Variants in PLCG1 observed in about 807,000 individuals in gnomAD.
PLCG1 encodes 1-phosphatidylinositol 4,5-bisphosphate phosphodiesterase gamma-1.
Under a neutral mutation model 177.8 loss-of-function variants are expected in PLCG1, and 71 were observed. The ratio of observed to expected loss-of-function variants is 0.40; its 90% CI spans 0.33 to 0.49. PLCG1 has a LOEUF of 0.49. Ranked by LOEUF, PLCG1 falls within the 20% of genes least tolerant of loss-of-function variation. The pLI, the probability that PLCG1 is intolerant of heterozygous loss-of-function variation, is 0.72. For missense variants in PLCG1, 1,281 were observed against 1,709.0 expected (o/e 0.75, Z 4.42); for synonymous variants, 658 against 647.9 (o/e 1.02, Z -0.24).
In PLCG1 at chr20:41,177,061, A is replaced by G. The variant is rs111411760; in HGVS notation, c.*2552A>G. On this transcript the variant is annotated 3_prime_UTR_variant, in exon 32 of 32. Transcript: ENST00000685551. Reference sequence around the variant, plus strand: ...TTAAATGAGTAACAAGGGTTGAAAAACCCTGATTTTGGCAGCACAAACCAA... The same window carrying G: ...TTAAATGAGTAACAAGGGTTGAAAAGCCCTGATTTTGGCAGCACAAACCAA... The G allele has an allele frequency of 5.9e-5, 9 of 152,224 alleles. No individual in the cohort carries two copies. The highest frequency in any genetic ancestry group is 1.9e-4 in the African/African-American group (8 of 41,522). 9.4% of individuals were successfully genotyped at this position (152,224 alleles called of 1,614,324 possible).
In PLCG1 at chr20:41,167,350, A is replaced by G. The variant is rs1489717467; in HGVS notation, c.2301+491A>G. Among the ~76,000 whole-genome samples the G allele has an allele frequency of 2.0e-5, 3 of 152,202 alleles. No homozygotes were observed. The highest frequency in any genetic ancestry group is 4.4e-5 in the Non-Finnish European group (3 of 68,024). On this transcript the variant is annotated intron_variant, in intron 19 of 31. Coordinates refer to ENST00000685551, the MANE Select transcript of PLCG1 (RefSeq NM_002660.3). This position sits in a 1 kb window ranked among gnomAD's most constrained non-coding sequence, Gnocchi z 4.4. ...GGCCCTGGACAGAAGGAAGGGGTCT[A>G]GGACCAGAAGATCAGTTGAGAGACT... is the stretch of plus-strand genomic sequence containing the variant.
At chr20:41,145,279 A>T (rs1481905280) in intron 1 of PLCG1, among the ~76,000 whole-genome samples, 4 of 152,198 alleles carry the variant, frequency 2.6e-5, no homozygotes, top group Non-Finnish European at 5.9e-5. Flanking sequence ...ACCCTGGGCA[A>T]ACTAGGCTGG....
Position 41,174,268 on chromosome 20 carries a change from T to C in PLCG1, c.3790T>C (p.Ser1264Pro). 1 of 1,614,218 alleles carries C rather than the reference T, an allele frequency of 6.2e-7. No individual in the cohort carries two copies. The highest frequency in any genetic ancestry group is 8.5e-7 in the Non-Finnish European group (1 of 1,180,026). The change falls in exon 31 of 32, where the codon TCC becomes CCC. Residue 1264 changes from serine to proline, a missense_variant. By Grantham distance (74) the Ser-to-Pro change is moderately conservative. Around this residue, in one of 4 missense-constraint regions of PLCG1, gnomAD observed 153 missense variants for 153.2 expected, o/e 1.00. Coordinates refer to ENST00000685551, the MANE Select transcript of PLCG1 (RefSeq NM_002660.3). This position sits in a 1 kb window ranked among gnomAD's most constrained non-coding sequence, Gnocchi z 5.8. ...GCAGCCGTTTGAGGACTTCCGCATCTCCCAGGAGCATCTCGCAGACCATTT... is the reference window on the plus strand; with the variant it reads ...GCAGCCGTTTGAGGACTTCCGCATCCCCCAGGAGCATCTCGCAGACCATTT... ...YQQPFEDFRI[S>P]QEHLADHFDS...
At chr20:41,138,382 T>TG (rs1415500817) in intron 1 of PLCG1, among the ~76,000 whole-genome samples, 1 of 152,132 alleles carries the variant, frequency 6.6e-6, no homozygotes, top group Admixed American at 6.5e-5. Context: ...GGGCTGGTCT[T>TG]GGAGCAGAGC....
chr20:41,158,329 C>G (rs1355229469), intron 1 of PLCG1, among the ~76,000 whole-genome samples: 1 of 152,122 alleles, frequency 6.6e-6, no homozygotes, highest in Non-Finnish European at 1.5e-5. Flanking sequence ...AGTTACCAGG[C>G]CAGTCTGGGT....
Position 41,163,866 on chromosome 20 carries a change from C to T in PLCG1, c.1010+33C>T. 6.2e-7 allele frequency: 1 copy of T among 1,608,784 alleles called. No individual in the cohort carries two copies. The highest frequency in any genetic ancestry group is 1.3e-5 in the African/African-American group (1 of 74,960). On this transcript the variant is annotated intron_variant, in intron 10 of 31. Coordinates refer to ENST00000685551, the MANE Select transcript of PLCG1 (RefSeq NM_002660.3). The surrounding 1 kb of genome is among the most constrained non-coding windows in gnomAD (Gnocchi z 5.2). ...TGGCTCCTTCAGGCCCACCCAGCTTCTTCCCCAGGAGGGCCCATCTGACCA... is the reference window on the plus strand; with the variant it reads ...TGGCTCCTTCAGGCCCACCCAGCTTTTTCCCCAGGAGGGCCCATCTGACCA...
intron 1 of PLCG1, among the ~76,000 whole-genome samples, chr20:41,154,363 C>T (rs2035254617): frequency 1.3e-5 from 2 of 152,242 alleles, no homozygotes; most frequent in Non-Finnish European, 2.9e-5. Flanking sequence ...GGCTCCCTCT[C>T]CCCCTTCTAG....
rs1234064701 is a variant in PLCG1, at chr20:41,163,324, G to C, written c.789+49G>C. 6.3e-7 allele frequency: 1 copy of C among 1,599,256 alleles called. No individual in the cohort carries two copies. Among genetic ancestry groups the C allele is most frequent in the Admixed American group, 1.7e-5 (1 of 59,288 alleles). On this transcript the variant is annotated intron_variant, in intron 8 of 31. Coordinates refer to ENST00000685551, the MANE Select transcript of PLCG1 (RefSeq NM_002660.3). The surrounding 1 kb of genome is among the most constrained non-coding windows in gnomAD (Gnocchi z 5.2). The stretch of plus-strand genomic sequence containing the variant: ...CAGGCTGGTAGGTTGTGGGGGGCTG[G>C]GCTCATCCCTGACTGGAGGCTTCTC...
At position 41,160,005 on chromosome 20, in the gene PLCG1, G is replaced by A; in HGVS notation, c.464+42G>A. The A allele has an allele frequency of 6.3e-7, 1 of 1,598,936 alleles. No homozygotes were observed. Among genetic ancestry groups the A allele is most frequent in the Non-Finnish European group, 8.6e-7 (1 of 1,166,170 alleles). ...AAGGGGTTAGGGCTGGGAGCATTAG[G>A]GACCAGGGGGACAGGGACAGCAGAC... On this transcript the variant is annotated intron_variant, in intron 3 of 31. Coordinates refer to ENST00000685551, the MANE Select transcript of PLCG1 (RefSeq NM_002660.3). The surrounding 1 kb of genome is among the most constrained non-coding windows in gnomAD (Gnocchi z 5.5).
chr20:41,140,053 G>A (rs527312493), intron 1 of PLCG1, among the ~76,000 whole-genome samples: 1 of 152,276 alleles, frequency 6.6e-6, no homozygotes, highest in Admixed American at 6.5e-5. Context: ...TCATGTATTT[G>A]GGGGATGGAG....
In PLCG1 at chr20:41,148,487, A is replaced by C. The variant is rs2035064560; in HGVS notation, c.217+10629A>C. On this transcript the variant is annotated intron_variant, in intron 1 of 31. Transcript: ENST00000685551. The surrounding 1 kb of genome is among the most constrained non-coding windows in gnomAD (Gnocchi z 4.3). Reference sequence around the variant, plus strand: ...TGAGAGGGCTCTGCAGAGACAGGGCAGCAGAGAGAGACTTGGAGATATGCT... The same window carrying C: ...TGAGAGGGCTCTGCAGAGACAGGGCCGCAGAGAGAGACTTGGAGATATGCT... Among the ~76,000 whole-genome samples, 1 of 152,182 alleles carries C rather than the reference A, an allele frequency of 6.6e-6. No homozygotes were observed. Among genetic ancestry groups the C allele is most frequent in the South Asian group, 2.1e-4 (1 of 4,810 alleles).
rs2035759744 is a variant in PLCG1, at chr20:41,167,986, C to CT, written c.2379+59dup. 2 of 1,189,452 alleles carry CT rather than the reference C, an allele frequency of 1.7e-6. No homozygotes were observed. Among genetic ancestry groups the CT allele is most frequent in the Admixed American group, 3.4e-5 (2 of 58,428 alleles). 73.7% of individuals were successfully genotyped at this position (1,189,452 alleles called of 1,614,324 possible). A position where few individuals can be genotyped will look rare whatever the true frequency, so the allele number is the denominator to read the frequency against. On this transcript the variant is annotated intron_variant, in intron 20 of 31. Transcript: ENST00000685551. This position sits in a 1 kb window ranked among gnomAD's most constrained non-coding sequence, Gnocchi z 4.4. ...GGGGAGGGTCCCCAGCTGCTTGGGG[C>CT]TTCATTTCTGTGTTCTGGGCCATCT...
chr20:41,173,912 C>A lies in PLCG1; in HGVS notation c.3557-11C>A. The A allele has an allele frequency of 6.2e-7, 1 of 1,613,396 alleles. No homozygotes were observed. The highest frequency in any genetic ancestry group is 8.5e-7 in the Non-Finnish European group (1 of 1,179,388). ...CTCGTGGGCTGAGGGCCAGGCTTTT[C>A]CTCCTCCTAGGATACAGAGCAGTGC... is the stretch of plus-strand genomic sequence containing the variant. On this transcript the variant is annotated splice_polypyrimidine_tract_variant and intron_variant, in intron 29 of 31. Coordinates refer to ENST00000685551, the MANE Select transcript of PLCG1 (RefSeq NM_002660.3). This position sits in a 1 kb window ranked among gnomAD's most constrained non-coding sequence, Gnocchi z 6.2.
chr20:41,169,735 G>C (rs777199601), intron 23 of PLCG1: 1 of 587,710 alleles, frequency 1.7e-6, no homozygotes, highest in African/African-American at 1.9e-5. Flanking sequence ...CCTATGCCAG[G>C]CACTGGGGAA....
Position 41,172,505 on chromosome 20 carries a change from G to T in PLCG1, c.2990G>T (p.Gly997Val), listed in dbSNP as rs1392638762. Residue 997 changes from glycine (G) to valine (V), a missense_variant, in exon 26 of 32, where the codon GGC (glycine) becomes GTC (valine). Coordinates refer to ENST00000685551, the MANE Select transcript of PLCG1 (RefSeq NM_002660.3). The surrounding 1 kb of genome is among the most constrained non-coding windows in gnomAD (Gnocchi z 7.0). ...GAGAAATACGTGAACAAGGCCAAAG[G>T]CAAGAAGTTCCTTCAGTACAATCGA... is the stretch of plus-strand genomic sequence containing the variant. ...KAEKYVNKAK[G>V]KKFLQYNRLQ... 1 of 1,614,052 alleles carries T rather than the reference G, an allele frequency of 6.2e-7. No homozygotes were observed. Among genetic ancestry groups the T allele is most frequent in the Non-Finnish European group, 8.5e-7 (1 of 1,180,012 alleles).
chr20:41,168,091 G>A lies in PLCG1; in HGVS notation c.2379+162G>A, dbSNP rs540255244. Among the ~76,000 whole-genome samples, 116 of 152,182 alleles carry A rather than the reference G, an allele frequency of 7.6e-4. 1 individual carries two copies. Among genetic ancestry groups the A allele is most frequent in the African/African-American group, 2.7e-3 (111 of 41,528 alleles). ...AGAGATGTGTGGTTGGTGAGCGACC[G>A]CAGGTCTCCCAGGGCCGACCCACTC... On this transcript the variant is annotated intron_variant, in intron 20 of 31. Coordinates refer to ENST00000685551, the MANE Select transcript of PLCG1 (RefSeq NM_002660.3).
rs956941637 is a variant in PLCG1, at chr20:41,177,125, C to T, written c.*2616C>T. On this transcript the variant is annotated 3_prime_UTR_variant, in exon 32 of 32. Coordinates refer to ENST00000685551, the MANE Select transcript of PLCG1 (RefSeq NM_002660.3). Reference sequence around the variant, plus strand: ...GCCGGGAGAGGGAAGTCAGTGGTACCAGAAGGTAGATGGGCTCCCTTGCAG... The same window carrying T: ...GCCGGGAGAGGGAAGTCAGTGGTACTAGAAGGTAGATGGGCTCCCTTGCAG... 1 of 152,280 alleles carries T rather than the reference C, an allele frequency of 6.6e-6. No homozygotes were observed. The highest frequency in any genetic ancestry group is 2.4e-5 in the African/African-American group (1 of 41,470). 9.4% of individuals were successfully genotyped at this position (152,280 alleles called of 1,614,324 possible). A position where few individuals can be genotyped will look rare whatever the true frequency, so the allele number is the denominator to read the frequency against.
chr20:41,169,536 C>A lies in PLCG1; in HGVS notation c.2650+10C>A. On this transcript the variant is annotated intron_variant, in intron 23 of 31. Transcript: ENST00000685551. ...CCGGCTTGTCAGATTGGTGAGCTCC[C>A]ATCTGTTTCTCTTGCCCACTGTTCC... 6.2e-7 allele frequency: 1 copy of A among 1,603,264 alleles called. No individual in the cohort carries two copies. The highest frequency in any genetic ancestry group is 1.1e-5 in the South Asian group (1 of 90,848).
chr20:41,138,415 G>C (rs1446764073), intron 1 of PLCG1, among the ~76,000 whole-genome samples: 2 of 152,168 alleles, frequency 1.3e-5, no homozygotes, highest in East Asian at 1.9e-4. Context: ...TCTCCCTCTG[G>C]GGGAGAGGGA....
Sources: gnomAD v4.1 joint callset for allele counts (sites outside exome capture counted in the v4.1 genomes callset) on GRCh38, gnomAD v4.1.1 for gene constraint, gnomAD v4.1.1 regional missense constraint, Gnocchi (gnomAD v3.1) non-coding constraint, MANE v1.5 for transcripts, NCBI Gene and HGNC (gene_info 2026-07-23, HGNC 2026-07-21) for gene names.